DPP10: variants seen among roughly 807,000 people sequenced by gnomAD.
DPP10 encodes the protein dipeptidyl peptidase like 10, also known as inactive dipeptidyl peptidase 10.
Under a neutral mutation model 120.9 loss-of-function variants are expected in DPP10, and 33 were observed. The ratio of observed to expected loss-of-function variants is 0.27; its 90% confidence interval spans 0.21 to 0.37. The LOEUF (loss-of-function observed/expected upper bound fraction) is 0.37, where lower values mean the gene tolerates loss of function less well. DPP10 is among the 10% of genes least tolerant of loss of function. The pLI, the probability that DPP10 is intolerant of heterozygous loss-of-function variation, is 1.00. For synonymous variants in DPP10, 337 were observed against 326.1 expected, an observed-to-expected ratio of 1.03 and a Z score of -0.36; for missense variants, 816 against 942.8, an observed-to-expected ratio of 0.87 and a Z score of 1.76.
At chr2:115,163,076 T>A (rs2052555930) in intron 1 of DPP10, among the ~76,000 whole-genome samples, 1 of 152,094 alleles carries the variant, frequency 6.6e-6, no homozygotes, top group Non-Finnish European at 1.5e-5. Flanking sequence ...TGGGGATCTT[T>A]GTTCGGAGTG....
intron 1 of DPP10, among the ~76,000 whole-genome samples, chr2:115,020,720 C>T (rs938678501): frequency 5.3e-5 from 8 of 152,036 alleles, no homozygotes; most frequent in African/African-American, 9.6e-5. Flanking sequence ...ATGCTATTCA[C>T]CAGCACATGG....
intron 1 of DPP10, among the ~76,000 whole-genome samples, chr2:115,283,815 C>G (rs1325148400): frequency 6.6e-6 from 1 of 151,870 alleles, no homozygotes; most frequent in Non-Finnish European, 1.5e-5. Flanking sequence ...TTTACTGTAC[C>G]TTTTTACATT....
chr2:114,488,322 C>T (rs980419816), intron 1 of DPP10, among the ~76,000 whole-genome samples: 3 of 152,214 alleles, frequency 2.0e-5, no homozygotes, highest in Non-Finnish European at 4.4e-5. Context: ...TACTTTGTGC[C>T]TCAGTTTCTT....
At chr2:115,189,592 C>G (rs2054717688) in intron 1 of DPP10, among the ~76,000 whole-genome samples, 1 of 151,964 alleles carries the variant, frequency 6.6e-6, no homozygotes, top group Non-Finnish European at 1.5e-5. Flanking sequence ...AACAATCCCC[C>G]ATCTTGAATT....
At chr2:114,758,590 C>T (rs1446279391) in intron 1 of DPP10, among the ~76,000 whole-genome samples, 1 of 151,998 alleles carries the variant, frequency 6.6e-6, no homozygotes, top group Admixed American at 6.6e-5. Context: ...TTTTAATTGT[C>T]CGTTCTACAG....
chr2:115,703,922 C>A (rs2091993121), intron 7 of DPP10, among the ~76,000 whole-genome samples: 1 of 151,964 alleles, frequency 6.6e-6, no homozygotes, highest in Admixed American at 6.6e-5. Flanking sequence ...TCATCTTTCA[C>A]CTAGATATTT....
intron 1 of DPP10, among the ~76,000 whole-genome samples, chr2:115,201,404 A>C (rs559304707): frequency 1.4e-3 from 214 of 152,290 alleles, no homozygotes; most frequent in Non-Finnish European, 2.2e-3. Context: ...CAGAGGCTGC[A>C]GTGAGTTGAG....
intron 5 of DPP10, among the ~76,000 whole-genome samples, chr2:115,605,273 C>T (rs2083628643): frequency 6.6e-6 from 1 of 152,022 alleles, no homozygotes; most frequent in Non-Finnish European, 1.5e-5. Context: ...CTGTTTCTCT[C>T]ATTTTGAAAA....
chr2:115,807,234 T>G (rs895922306), intron 19 of DPP10, among the ~76,000 whole-genome samples: 1 of 152,208 alleles, frequency 6.6e-6, no homozygotes, highest in African/African-American at 2.4e-5. Context: ...CATTAGGAGA[T>G]TGTACATTCC....
At chr2:115,735,441 T>A (rs1559089918) in intron 8 of DPP10, among the ~76,000 whole-genome samples, 2 of 152,122 alleles carry the variant, frequency 1.3e-5, no homozygotes, top group South Asian at 2.1e-4. Context: ...TTACTTTCTG[T>A]CAGGATGCTA....
chr2:115,831,381 T>C (rs1455736000), intron 21 of DPP10, among the ~76,000 whole-genome samples: 1 of 152,060 alleles, frequency 6.6e-6, no homozygotes, highest in Non-Finnish European at 1.5e-5. Flanking sequence ...CCTGAGTAGC[T>C]GGGATTAGCC....
chr2:115,551,152 T>C (rs576236357), intron 5 of DPP10, among the ~76,000 whole-genome samples: 1 of 152,268 alleles, frequency 6.6e-6, no homozygotes, highest in Admixed American at 6.5e-5. Context: ...TTTAATAGTT[T>C]ATTCTTGCAG....
chr2:114,694,267 C>A (rs1223152251), intron 1 of DPP10, among the ~76,000 whole-genome samples: 5 of 151,826 alleles, frequency 3.3e-5, no homozygotes, highest in Admixed American at 1.3e-4. Flanking sequence ...TATGGTAAGA[C>A]CTTAAGGAAT....
chr2:115,840,887 C>T, intron 25 of DPP10, 64 bp downstream of exon 25: 1 of 1,323,906 alleles, frequency 7.6e-7, no homozygotes, highest in Admixed American at 1.9e-5. Flanking sequence ...AGATACGCAA[C>T]ACAGCTTCTC....
intron 1 of DPP10, among the ~76,000 whole-genome samples, chr2:114,802,555 C>G (rs189596563): frequency 1.9e-3 from 295 of 152,166 alleles, no homozygotes; most frequent in African/African-American, 6.8e-3. Context: ...AACGAAATAA[C>G]CGAGGTTGGT....
intron 1 of DPP10, among the ~76,000 whole-genome samples, chr2:114,955,750 T>A (rs1457851585): frequency 1.3e-5 from 2 of 152,158 alleles, no homozygotes; most frequent in Non-Finnish European, 1.5e-5. Context: ...TTCACCATGA[T>A]CAAGTGAGAT....
intron 9 of DPP10, among the ~76,000 whole-genome samples, chr2:115,745,079 T>C (rs778905857): frequency 9.3e-5 from 14 of 150,518 alleles, no homozygotes; most frequent in Non-Finnish European, 1.8e-4. Flanking sequence ...GCTTGAAATA[T>C]GTCATGAAAG....
intron 13 of DPP10, among the ~76,000 whole-genome samples, chr2:115,774,639 T>G (rs1446493): frequency 0.99 from 150,584 of 152,182 alleles, 74,522 homozygotes; most frequent in Middle Eastern, 1. Context: ...TACAAAGAAG[T>G]TGATATAAAG....
At chr2:114,464,695 G>C (rs906506836) in intron 1 of DPP10, among the ~76,000 whole-genome samples, 1 of 151,934 alleles carries the variant, frequency 6.6e-6, no homozygotes, top group African/African-American at 2.4e-5. Flanking sequence ...ATTAATTTCT[G>C]TTGCCCTAAA....
Sources: allele counts gnomAD v4.1 joint callset (sites outside exome capture counted in the v4.1 genomes callset), GRCh38; gene constraint gnomAD v4.1.1; transcripts MANE v1.5; gene names NCBI Gene and HGNC (gene_info 2026-07-23, HGNC 2026-07-21).